CLCN7: variants seen among roughly 807,000 people sequenced by gnomAD.
The protein encoded by CLCN7 is H(+)/Cl(-) exchange transporter 7.
In CLCN7, 60 loss-of-function variants were observed where a neutral mutation model predicts 102.1. The observed-to-expected ratio is 0.59, with a 90% CI of 0.48 to 0.73. The LOEUF is 0.73. Ranked by LOEUF, CLCN7 falls within the 30% of genes least tolerant of loss-of-function variation. The pLI, the probability that CLCN7 is intolerant of heterozygous loss-of-function variation, is 0.00. For synonymous variants in CLCN7, 560 were observed against 490.5 expected (o/e 1.14, Z -1.87); for missense variants, 962 against 1,125.7 (o/e 0.85, Z 2.08).
chr16:1,449,514 T>TG (rs1299862445), intron 17 of CLCN7, 187 bp from the exon 18 acceptor site: 10 of 624,986 alleles, frequency 1.6e-5, no homozygotes, highest in Non-Finnish European at 2.9e-5. Flanking sequence ...ATCCTTGGCC[T>TG]GAACCAGGCG....
chr16:1,461,031 C>T, intron 4 of CLCN7, 83 bp from the exon 5 acceptor site: 1 of 1,543,076 alleles, frequency 6.5e-7, no homozygotes, highest in South Asian at 1.1e-5. Flanking sequence ...AGACCGCCTG[C>T]AGGCCCCGGG....
At position 1,455,275 on chromosome 16, in the gene CLCN7, C is replaced by T. The variant is rs139465002; in HGVS notation, c.982-25G>A. Reference sequence around the variant, plus strand: ...ACTGCGGCAGAGGGCAGGAAACCAGCGCCCTCAGAGCCACGCTCCCAGCCC... The same window carrying T: ...ACTGCGGCAGAGGGCAGGAAACCAGTGCCCTCAGAGCCACGCTCCCAGCCC... On this transcript the variant is annotated intron_variant, in intron 11 of 24. Coordinates refer to ENST00000382745, the MANE Select transcript of CLCN7 (RefSeq NM_001287.6). The T allele has an allele frequency of 2.9e-3, 4,116 of 1,430,892 alleles. 7 individuals carry two copies. The highest frequency in any genetic ancestry group is 3.7e-3 in the Middle Eastern group (21 of 5,618). The allele number at this position is 1,430,892 out of a possible 1,614,324, so 88.6% of individuals were successfully genotyped here. A position where few individuals can be genotyped will look rare whatever the true frequency, so the allele number is the denominator to read the frequency against.
intron 14 of CLCN7, among the ~76,000 whole-genome samples, chr16:1,453,238 C>T (rs1271638165): frequency 1.3e-5 from 2 of 152,074 alleles, no homozygotes; most frequent in Non-Finnish European, 2.9e-5. Flanking sequence ...GTCTAGAACT[C>T]CCGACCTCAG....
chr16:1,462,665 CAAAA>C (rs67969666), intron 2 of CLCN7, among the ~76,000 whole-genome samples: 4 of 36,180 alleles, frequency 1.1e-4, no homozygotes, highest in Admixed American at 3.0e-4. Context: ...AAAAAAAAGC[CAAAA>C]AAAAAAAAAA....
chr16:1,466,431 G>A (rs1261196959), intron 1 of CLCN7, among the ~76,000 whole-genome samples: 1 of 152,232 alleles, frequency 6.6e-6, no homozygotes, highest in Non-Finnish European at 1.5e-5. Context: ...AGGTGGGGAC[G>A]GGGAGACGTG....
intron 4 of CLCN7, 55 bp downstream of exon 4, chr16:1,461,350 G>A (rs993301394): frequency 1.7e-4 from 248 of 1,479,692 alleles, no homozygotes; most frequent in East Asian, 9.9e-5. Context: ...CCCCAGGCCC[G>A]GCCGGCACCA....
chr16:1,459,185 C>A lies in CLCN7; in HGVS notation c.597G>T (p.Pro199=). The A allele has an allele frequency of 6.2e-7, 1 of 1,613,028 alleles. No homozygotes were observed. The highest frequency in any genetic ancestry group is 1.3e-5 in the African/African-American group (1 of 75,066). The change falls in exon 7 of 25, where the codon CCG becomes CCT. Residue 199 remains proline (P), a splice_region_variant and synonymous_variant. Coordinates refer to ENST00000382745, the MANE Select transcript of CLCN7 (RefSeq NM_001287.6). ...VGSVIVAFIE[P]VAAGSGIPQI... is the part of the protein sequence containing the mutation. ...GGGGGATTCCGCTGCCAGCAGCCAC[C>A]GGCTGAAAGAGGGGAAGCACGGCTG...
Position 1,457,844 on chromosome 16 carries a change from TCAGG to T in CLCN7, c.676-92_676-89del. 9.8e-6 allele frequency: 13 copies of T among 1,329,576 alleles called. 1 individual carries two copies. The South Asian group carries it at 1.5e-4, about 16-fold the overall frequency. 82.4% of individuals were successfully genotyped at this position (1,329,576 alleles called of 1,614,324 possible). ...CGTAAAACAGCACACACAGCCCCGA[TCAGG>T]CAGAGTGGCTGGGACACGGGGCCTC... On this transcript the variant is annotated intron_variant, in intron 7 of 24. Transcript: ENST00000382745. The surrounding 1 kb of genome is among the most constrained non-coding windows in gnomAD (Gnocchi z 5.4).
chr16:1,454,377 A>G (rs1156450151), intron 13 of CLCN7, 34 bp downstream of exon 13: 2 of 1,606,942 alleles, frequency 1.2e-6, no homozygotes, highest in Non-Finnish European at 1.7e-6. Context: ...CCAGGCCCGC[A>G]GGCCGTCCCT....
At position 1,445,336 on chromosome 16, in the gene CLCN7, G is replaced by A. The variant is rs934046030; in HGVS notation, c.*1295C>T. On this transcript the variant is annotated 3_prime_UTR_variant, in exon 25 of 25. Transcript: ENST00000382745. ...GGGTGGGAGGGACGACGCTGGCAAAGGCGGGCTGAGAGGATTTCTTTATTT... is the reference window on the plus strand; with the variant it reads ...GGGTGGGAGGGACGACGCTGGCAAAAGCGGGCTGAGAGGATTTCTTTATTT... The A allele has an allele frequency of 3.3e-5, 5 of 152,396 alleles. No individual in the cohort carries two copies. The highest frequency in any genetic ancestry group is 1.2e-4 in the African/African-American group (5 of 41,474). 9.4% of individuals were successfully genotyped at this position (152,396 alleles called of 1,614,324 possible).
At chr16:1,470,244 G>C (rs147566639) in intron 1 of CLCN7, among the ~76,000 whole-genome samples, 1 of 152,198 alleles carries the variant, frequency 6.6e-6, no homozygotes, top group Non-Finnish European at 1.5e-5. Context: ...TAATCCTTCC[G>C]CCTTGGCCTC....
At chr16:1,469,205 CAAAT>C (rs1217583736) in intron 1 of CLCN7, among the ~76,000 whole-genome samples, 1 of 151,800 alleles carries the variant, frequency 6.6e-6, no homozygotes, top group African/African-American at 2.4e-5. Context: ...GACCCTGTCT[CAAAT>C]AAATAAATAA....
chr16:1,464,476 C>A (rs939745098), intron 2 of CLCN7, among the ~76,000 whole-genome samples: 1 of 152,272 alleles, frequency 6.6e-6, no homozygotes, highest in Admixed American at 6.5e-5. Context: ...GCAGCACAAA[C>A]GTATCAGAAG....
intron 18 of CLCN7, 49 bp downstream of exon 18, chr16:1,449,227 T>G (rs1273690201): frequency 1.3e-6 from 2 of 1,567,742 alleles, no homozygotes; most frequent in Admixed American, 1.9e-5. Flanking sequence ...CATGGCCCCC[T>G]CCAGACCCCG....
intron 21 of CLCN7, 173 bp downstream of exon 21, chr16:1,448,182 C>T (rs2038683549): frequency 3.3e-6 from 3 of 916,070 alleles, no homozygotes; most frequent in South Asian, 1.6e-5. Flanking sequence ...CCCCACCAGC[C>T]TCAGCGTCCA....
At chr16:1,454,875 A>C (rs1176735652) in intron 12 of CLCN7, among the ~76,000 whole-genome samples, 1 of 152,128 alleles carries the variant, frequency 6.6e-6, no homozygotes, top group Non-Finnish European at 1.5e-5. Flanking sequence ...ACGTGCCCCC[A>C]GGCCGTGGGA....
At chr16:1,454,189 GT>G (rs768309609) in intron 13 of CLCN7, among the ~76,000 whole-genome samples, 16 of 152,372 alleles carry the variant, frequency 1.1e-4, no homozygotes, top group Non-Finnish European at 1.8e-4. Flanking sequence ...CAGCCCTGTG[GT>G]TTTTGCCAAC....
intron 7 of CLCN7, 40 bp downstream of exon 7, chr16:1,459,067 G>A (rs377115878): frequency 4.9e-5 from 76 of 1,543,026 alleles, no homozygotes; most frequent in South Asian, 1.4e-4. Flanking sequence ...AGCAAAGAGC[G>A]GGCGCCCACC....
At chr16:1,452,587 CTCT>C (rs2038768737) in intron 15 of CLCN7, 165 bp downstream of exon 15, 1 of 709,230 alleles carries the variant, frequency 1.4e-6, no homozygotes, top group African/African-American at 1.8e-5. Context: ...ACCTGGCCTC[CTCT>C]GAGATCTGGG....
Sources: gnomAD v4.1 joint callset for allele counts (sites outside exome capture counted in the v4.1 genomes callset) on GRCh38, gnomAD v4.1.1 for gene constraint, Gnocchi (gnomAD v3.1) non-coding constraint, MANE v1.5 for transcripts, NCBI Gene and HGNC (gene_info 2026-07-23, HGNC 2026-07-21) for gene names.